Variants in STARD13 observed in about 807,000 individuals in gnomAD.
STARD13 encodes the protein stAR-related lipid transfer protein 13.
In STARD13, 62 loss-of-function variants were observed where a neutral mutation model predicts 106.4. The ratio of observed to expected loss-of-function variants is 0.58; its 90% confidence interval spans 0.48 to 0.72. The LOEUF is 0.72. Among genes scored for constraint, STARD13 ranks in the 30% least tolerant of loss-of-function variants. The pLI, the probability that STARD13 is intolerant of heterozygous loss-of-function variation, is 0.00. For synonymous variants in STARD13, 565 were observed against 553.0 expected (o/e 1.02, Z -0.31); for missense variants, 1,387 against 1,424.0 (o/e 0.97, Z 0.42).
chr13:33,254,760 C>CAG (rs1890257633), intron 1 of STARD13, among the ~76,000 whole-genome samples: 1 of 152,110 alleles, frequency 6.6e-6, no homozygotes. Flanking sequence ...TGGGGGTGGT[C>CAG]AGAGAGGAGT....
chr13:33,613,810 G>T, the STARD13 span, among the ~76,000 whole-genome samples: 5 of 152,220 alleles, frequency 3.3e-5, no homozygotes, highest in Non-Finnish European at 7.3e-5. Context: ...TAGCAGCAGG[G>T]TGAGGAAGGG....
the STARD13 span, among the ~76,000 whole-genome samples, chr13:33,399,090 A>G: frequency 6.6e-6 from 1 of 152,206 alleles, no homozygotes; most frequent in South Asian, 2.1e-4. Context: ...CACCACATTA[A>G]TGGATATAAA....
intron 1 of STARD13, among the ~76,000 whole-genome samples, chr13:33,224,418 A>G (rs1027635775): frequency 3.9e-5 from 6 of 152,222 alleles, no homozygotes; most frequent in Non-Finnish European, 8.8e-5. Flanking sequence ...TTCATACAAC[A>G]CAAGTGTACT....
At chr13:33,246,313 G>A (rs1249907630) in intron 1 of STARD13, among the ~76,000 whole-genome samples, 1 of 152,126 alleles carries the variant, frequency 6.6e-6, no homozygotes, top group Admixed American at 6.5e-5. Context: ...AGTCAGGGTT[G>A]GCTAGAACGT....
intron 4 of STARD13, among the ~76,000 whole-genome samples, chr13:33,135,219 T>A (rs535234134): frequency 2.0e-5 from 3 of 152,348 alleles, no homozygotes; most frequent in South Asian, 2.1e-4. Flanking sequence ...CAGAGTGTGG[T>A]CAGGGGGCTG....
intron 1 of STARD13, among the ~76,000 whole-genome samples, chr13:33,263,764 A>G (rs1890758375): frequency 6.6e-6 from 1 of 152,222 alleles, no homozygotes; most frequent in Non-Finnish European, 1.5e-5. Context: ...CATTCAGTCA[A>G]ATGAATCAGT....
chr13:33,490,540 G>C, the STARD13 span, among the ~76,000 whole-genome samples: 1 of 152,226 alleles, frequency 6.6e-6, no homozygotes, highest in Admixed American at 6.5e-5. Flanking sequence ...AGTTTGGCTG[G>C]GGGTGGTGCA....
At chr13:33,199,753 T>C (rs1403750918) in intron 1 of STARD13, among the ~76,000 whole-genome samples, 9 of 152,230 alleles carry the variant, frequency 5.9e-5, no homozygotes, top group Admixed American at 2.0e-4. Flanking sequence ...CAGTGTTACA[T>C]AAGGGTTCTT....
intron 1 of STARD13, among the ~76,000 whole-genome samples, chr13:33,194,734 C>T (rs1886493834): frequency 6.6e-6 from 1 of 152,188 alleles, no homozygotes; most frequent in South Asian, 2.1e-4. Flanking sequence ...CAAATATGGG[C>T]TTCTTTGGAG....
the STARD13 span, among the ~76,000 whole-genome samples, chr13:33,482,837 A>G: frequency 8.5e-5 from 13 of 152,224 alleles, no homozygotes; most frequent in African/African-American, 3.1e-4. Context: ...ATAATCTAAC[A>G]AAGAAAGTTT....
intron 7 of STARD13, among the ~76,000 whole-genome samples, chr13:33,125,298 A>G (rs184264257): frequency 6.6e-6 from 1 of 152,382 alleles, no homozygotes; most frequent in African/African-American, 2.4e-5. Context: ...GCCTGGAAAT[A>G]TACCCACTAT....
intron 3 of STARD13, among the ~76,000 whole-genome samples, chr13:33,154,571 T>C (rs760967932): frequency 1.8e-4 from 28 of 152,188 alleles, no homozygotes; most frequent in Non-Finnish European, 3.4e-4. Context: ...TAGGCTCTCT[T>C]GGCTATTCAA....
chr13:33,427,071 A>G, the STARD13 span, among the ~76,000 whole-genome samples: 16 of 152,222 alleles, frequency 1.1e-4, no homozygotes, highest in Admixed American at 2.0e-4. Flanking sequence ...AGTAATAGCT[A>G]TTATGTATTG....
chr13:33,528,186 T>C, the STARD13 span, among the ~76,000 whole-genome samples: 1 of 140,908 alleles, frequency 7.1e-6, no homozygotes, highest in African/African-American at 2.8e-5. Flanking sequence ...TATATATATA[T>C]ATACACACAC....
chr13:33,410,292 C>T, the STARD13 span, among the ~76,000 whole-genome samples: 1 of 152,188 alleles, frequency 6.6e-6, no homozygotes, highest in Non-Finnish European at 1.5e-5. Context: ...TGCTAATGGT[C>T]ACATAAGTGG....
chr13:33,228,809 T>C (rs1459571546), intron 1 of STARD13, among the ~76,000 whole-genome samples: 1 of 152,086 alleles, frequency 6.6e-6, no homozygotes, highest in Admixed American at 6.5e-5. Context: ...AAGGCCAGAA[T>C]TAAAACAAAT....
the STARD13 span, among the ~76,000 whole-genome samples, chr13:33,529,868 G>A: frequency 5.9e-5 from 9 of 152,124 alleles, no homozygotes; most frequent in Non-Finnish European, 8.8e-5. Context: ...TGCCTAGGGG[G>A]TACCGGTAGC....
At chr13:33,540,000 A>T in the STARD13 span, among the ~76,000 whole-genome samples, 1 of 152,270 alleles carries the variant, frequency 6.6e-6, no homozygotes, top group Non-Finnish European at 1.5e-5. Context: ...TAAAATGGGC[A>T]AAAGTTTTGA....
At chr13:33,362,818 A>C in the STARD13 span, among the ~76,000 whole-genome samples, 1 of 152,232 alleles carries the variant, frequency 6.6e-6, no homozygotes, top group African/African-American at 2.4e-5. Context: ...TTGCCCCTTC[A>C]CTAGACTGTA....
Sources: gnomAD v4.1 joint callset for allele counts (sites outside exome capture counted in the v4.1 genomes callset) on GRCh38, gnomAD v4.1.1 for gene constraint, MANE v1.5 for transcripts, NCBI Gene and HGNC (gene_info 2026-07-23, HGNC 2026-07-21) for gene names.